The following ABCA10 variants were observed in gnomAD, a reference collection of about 807,000 sequenced individuals.
The protein encoded by ABCA10 is ATP binding cassette subfamily A member 10.
ABCA10 carries 169 observed loss-of-function variants against 187.5 expected under a neutral mutation model. The ratio of observed to expected loss-of-function variants is 0.90; its 90% CI spans 0.80 to 1.02. The LOEUF (loss-of-function observed/expected upper bound fraction) is 1.02. Ranked by LOEUF, ABCA10 falls within the 50% of genes least tolerant of loss-of-function variation. ABCA10 has a pLI of 0.00. For synonymous variants in ABCA10, 574 were observed against 601.8 expected, an observed-to-expected ratio of 0.95 and a Z score of 0.68; for missense variants, 1,727 against 1,812.4, an observed-to-expected ratio of 0.95 and a Z score of 0.86.
chr17:69,159,240 T>C (rs1028097952), intron 27 of ABCA10, among the ~76,000 whole-genome samples: 8 of 151,998 alleles, frequency 5.3e-5, no homozygotes, highest in African/African-American at 1.7e-4. Flanking sequence ...ATACAGACTT[T>C]CTATTATATA....
At chr17:69,167,903 C>T (rs1339233582) in intron 25 of ABCA10, among the ~76,000 whole-genome samples, 1 of 151,882 alleles carries the variant, frequency 6.6e-6, no homozygotes, top group African/African-American at 2.4e-5. Flanking sequence ...AAAGTTACAC[C>T]ATGTGTGTCT....
chr17:69,215,858 A>G lies in ABCA10; in HGVS notation c.815T>C (p.Leu272Ser). The G allele has an allele frequency of 6.2e-7, 1 of 1,613,126 alleles. No homozygotes were observed. Among genetic ancestry groups the G allele is most frequent in the Non-Finnish European group, 8.5e-7 (1 of 1,179,754 alleles). ...RQLPLSLGWV[L>S]SLLSPFAFTA... ...GAAGGCAAAAGGGCTAAGAAGACTTAATACCCATCCCAAAGATAAAGGAAG... is the reference window on the plus strand; with the variant it reads ...GAAGGCAAAAGGGCTAAGAAGACTTGATACCCATCCCAAAGATAAAGGAAG... The change falls in exon 8 of 39, where the codon TTA becomes TCA. Residue 272 changes from leucine (L) to serine (S), a missense_variant. Coordinates refer to ENST00000690296, the MANE Select transcript of ABCA10 (RefSeq NM_001377321.1).
At chr17:69,164,710 T>C (rs1009703460) in intron 26 of ABCA10, among the ~76,000 whole-genome samples, 1 of 152,188 alleles carries the variant, frequency 6.6e-6, no homozygotes, top group Non-Finnish European at 1.5e-5. Context: ...GAATCACCTC[T>C]GGAATTCATA....
intron 2 of ABCA10, among the ~76,000 whole-genome samples, chr17:69,226,870 T>C (rs1434314125): frequency 1.3e-5 from 2 of 151,812 alleles, no homozygotes; most frequent in African/African-American, 4.8e-5. Flanking sequence ...ATGCATTAAT[T>C]ATGTGGAAAA....
At chr17:69,203,788 T>C (rs1160714526) in intron 9 of ABCA10, among the ~76,000 whole-genome samples, 3 of 152,346 alleles carry the variant, frequency 2.0e-5, no homozygotes, top group Admixed American at 6.5e-5. Context: ...GAAACAAATA[T>C]GTTGTGTTAA....
rs760789261 is a variant in ABCA10, at chr17:69,182,105, T to C, written c.2769+48A>G. The C allele has an allele frequency of 6.2e-6, 9 of 1,451,820 alleles. No individual in the cohort carries two copies. The South Asian group carries it at 8.0e-5, about 13-fold the overall frequency. 89.9% of individuals were successfully genotyped at this position (1,451,820 alleles called of 1,614,324 possible). A position where few individuals can be genotyped will look rare whatever the true frequency, so the allele number is the denominator to read the frequency against. ...GGTAGGCTCTAGAGCCCTCATCCTT[T>C]ATCCCTCTGCTGTGTTGCCTCTTAT... On this transcript the variant is annotated intron_variant, in intron 22 of 38. Coordinates refer to ENST00000690296, the MANE Select transcript of ABCA10 (RefSeq NM_001377321.1).
chr17:69,226,140 C>T (rs1275410030), intron 2 of ABCA10, among the ~76,000 whole-genome samples: 2 of 151,812 alleles, frequency 1.3e-5, no homozygotes, highest in East Asian at 1.9e-4. Context: ...ATGTAGGGAA[C>T]CAAGTTCTTA....
At chr17:69,190,934 T>C (rs1227254472) in intron 17 of ABCA10, among the ~76,000 whole-genome samples, 1 of 152,136 alleles carries the variant, frequency 6.6e-6, no homozygotes, top group Non-Finnish European at 1.5e-5. Flanking sequence ...AGAAAAGAGA[T>C]ATTTCAAAGT....
rs879085559 is a variant in ABCA10 at position 69,227,299 on chromosome 17, G to GA, written c.-312-15dup. ...GCAGAGCAATAGCTAGGGGAAAAAAGAAAAAAAAAAAGTTCAGTTACAGAA... is the reference window on the plus strand; with the variant it reads ...GCAGAGCAATAGCTAGGGGAAAAAAGAAAAAAAAAAAAGTTCAGTTACAGAA... On this transcript the variant is annotated splice_polypyrimidine_tract_variant and intron_variant, in intron 1 of 38. Transcript: ENST00000690296. 3.8e-4 allele frequency: 53 copies of GA among 137,956 alleles called. No homozygotes were observed. Among genetic ancestry groups the GA allele is most frequent in the South Asian group, 1.1e-3 (5 of 4,366 alleles). 8.5% of individuals were successfully genotyped at this position (137,956 alleles called of 1,614,324 possible).
At chr17:69,208,449 T>C (rs1412077610) in intron 9 of ABCA10, among the ~76,000 whole-genome samples, 1 of 144,176 alleles carries the variant, frequency 6.9e-6, no homozygotes. Flanking sequence ...AAAGAATGTA[T>C]TAGGAAAAAA....
rs920312453 is a variant in ABCA10 at position 69,148,007 on chromosome 17, A to T, written c.*820T>A. On this transcript the variant is annotated 3_prime_UTR_variant, in exon 39 of 39. Transcript: ENST00000690296. ...AAGACTCTAATGAACAAAACATAAG[A>T]AAAGTCCATCAAAGTTTTATTTCTA... The T allele has an allele frequency of 1.3e-5, 2 of 152,206 alleles. No individual in the cohort carries two copies. The highest frequency in any genetic ancestry group is 2.9e-5 in the Non-Finnish European group (2 of 68,042). The allele number at this position is 152,206 out of a possible 1,614,324, so 9.4% of individuals were successfully genotyped here.
chr17:69,159,488 A>G (rs2074198906), intron 27 of ABCA10, among the ~76,000 whole-genome samples: 1 of 152,160 alleles, frequency 6.6e-6, no homozygotes, highest in African/African-American at 2.4e-5. Context: ...AACAAGATCC[A>G]TATCTAGACA....
intron 25 of ABCA10, among the ~76,000 whole-genome samples, chr17:69,173,397 G>C (rs2074311261): frequency 6.6e-6 from 1 of 152,064 alleles, no homozygotes; most frequent in Admixed American, 6.6e-5. Flanking sequence ...ACTCACAAAG[G>C]CCAACCAATG....
chr17:69,211,567 T>G (rs977231170), intron 9 of ABCA10, among the ~76,000 whole-genome samples: 2 of 151,670 alleles, frequency 1.3e-5, no homozygotes, highest in Admixed American at 6.6e-5. Context: ...TCAATTCTTC[T>G]TTGAGTGTCT....
At chr17:69,157,678 A>C (rs1054853187) in intron 27 of ABCA10, among the ~76,000 whole-genome samples, 1 of 152,166 alleles carries the variant, frequency 6.6e-6, no homozygotes, top group Admixed American at 6.6e-5. Context: ...GACTCTACAT[A>C]TATAGGCAAC....
At chr17:69,177,615 TTAAGTATATCAACTTCAGAGGCA>T (rs2074343616) in intron 22 of ABCA10, among the ~76,000 whole-genome samples, 1 of 152,108 alleles carries the variant, frequency 6.6e-6, no homozygotes, top group South Asian at 2.1e-4. Context: ...TATTTATAAC[TTAAGTATATCAACTTCAGAGGCA>T]TTAGTGAGAA....
intron 27 of ABCA10, among the ~76,000 whole-genome samples, chr17:69,159,059 T>C (rs982451434): frequency 2.6e-5 from 4 of 152,090 alleles, no homozygotes; most frequent in Non-Finnish European, 5.9e-5. Flanking sequence ...CATTTAAGTA[T>C]TTTAAGAAAC....
intron 9 of ABCA10, among the ~76,000 whole-genome samples, chr17:69,211,340 TATATATATA>T (rs1417988127): frequency 8.9e-6 from 1 of 112,748 alleles, no homozygotes; most frequent in Admixed American, 8.2e-5. Context: ...TATATATATA[TATATATATA>T]TATATATATA....
In ABCA10 at chr17:69,162,840, T is replaced by TATACATATAC. The variant is rs67276822; in HGVS notation, c.3363+1233_3363+1234insGTATATGTAT. 6.7e-3 allele frequency among the ~76,000 whole-genome samples: 932 copies of TATACATATAC among 138,648 alleles called. 7 individuals carry two copies. Among genetic ancestry groups the TATACATATAC allele is most frequent in the African/African-American group, 0.016 (613 of 38,512 alleles). The allele number at this position is 138,648 out of a possible 152,430, so 91.0% of individuals were successfully genotyped here. ...ATATACATATACATATACATATACATATATATATATATATATGAGACGGAG... is the reference window on the plus strand; with the variant it reads ...ATATACATATACATATACATATACATATACATATACATATATATATATATATGAGACGGAG... On this transcript the variant is annotated intron_variant, in intron 27 of 38. Transcript: ENST00000690296.
Sources: allele counts gnomAD v4.1 joint callset (sites outside exome capture counted in the v4.1 genomes callset), GRCh38; gene constraint gnomAD v4.1.1; transcripts MANE v1.5; gene names NCBI Gene and HGNC (gene_info 2026-07-23, HGNC 2026-07-21).